Variants in SCN8A observed in about 807,000 individuals in gnomAD.
The protein encoded by SCN8A is sodium channel protein type 8 subunit alpha.
In SCN8A, 30 loss-of-function variants were observed where a neutral mutation model predicts 184.1. The ratio of observed to expected loss-of-function variants is 0.16; its 90% confidence interval spans 0.12 to 0.22. The LOEUF (loss-of-function observed/expected upper bound fraction) is 0.22. Ranked by LOEUF, SCN8A falls within the 10% of genes least tolerant of loss-of-function variation. The probability of loss-of-function intolerance (pLI) is 1.00; values close to 1 mark genes in which losing one functional copy is unlikely to be tolerated. For missense variants in SCN8A, 1,057 were observed against 2,498.9 expected, an observed-to-expected ratio of 0.42 and a Z score of 12.30; for synonymous variants, 852 against 907.0, an observed-to-expected ratio of 0.94 and a Z score of 1.09.
intron 5 of SCN8A, chr12:51,688,642 C>T: frequency 1.4e-6 from 1 of 708,072 alleles, no homozygotes; most frequent in Non-Finnish European, 2.5e-6. Context: ...TGAAGCTTTT[C>T]TTTTTCAAGG....
chr12:51,687,053 G>A, intron 4 of SCN8A, 38 bp from the exon 5 acceptor site: 1 of 1,611,348 alleles, frequency 6.2e-7, no homozygotes, highest in Non-Finnish European at 8.5e-7. Flanking sequence ...TAAAGTTTCT[G>A]TCCAGAAATT....
intron 12 of SCN8A, among the ~76,000 whole-genome samples, chr12:51,740,490 A>G (rs951654185): frequency 6.6e-6 from 1 of 152,168 alleles, no homozygotes; most frequent in Non-Finnish European, 1.5e-5. Flanking sequence ...GTTTTATTCA[A>G]AGATGCTTGA....
rs185631870 is a variant in SCN8A, at chr12:51,714,525, C to A, written c.1636-7021C>A. The stretch of plus-strand genomic sequence containing the variant: ...GAAGATGAGTGATAAAAGCACATAT[C>A]ATCTCAGTATTATTAGGAAAGAATT... On this transcript the variant is annotated intron_variant, in intron 11 of 26. Transcript: ENST00000627620. Among the ~76,000 whole-genome samples, 71 of 152,290 alleles carry A rather than the reference C, an allele frequency of 4.7e-4. 1 individual carries two copies. Among genetic ancestry groups the A allele is most frequent in the South Asian group, 1.2e-3 (6 of 4,814 alleles).
chr12:51,789,193 A>G, intron 23 of SCN8A, 88 bp from the exon 24 acceptor site: 1 of 1,436,176 alleles, frequency 7.0e-7, no homozygotes, highest in South Asian at 1.2e-5. Flanking sequence ...TTAGCAGCTC[A>G]AATGGTCACA....
chr12:51,601,748 G>A (rs989740438), intron 1 of SCN8A, among the ~76,000 whole-genome samples: 1 of 151,886 alleles, frequency 6.6e-6, no homozygotes, highest in South Asian at 2.1e-4. Flanking sequence ...CTGCCTTGCT[G>A]GTTCCAGTGG....
At chr12:51,757,615 G>A (rs1403716607) in intron 14 of SCN8A, among the ~76,000 whole-genome samples, 1 of 152,088 alleles carries the variant, frequency 6.6e-6, no homozygotes, top group Non-Finnish European at 1.5e-5. Context: ...AAGTTATCAG[G>A]CATATGACCA....
intron 1 of SCN8A, among the ~76,000 whole-genome samples, chr12:51,658,702 C>T (rs1236637414): frequency 1.3e-5 from 2 of 152,116 alleles, no homozygotes; most frequent in Admixed American, 6.5e-5. Context: ...AGAGAAACTG[C>T]TTATGTTTTA....
intron 25 of SCN8A, among the ~76,000 whole-genome samples, chr12:51,792,855 G>A (rs1938303755): frequency 6.6e-6 from 1 of 152,158 alleles, no homozygotes. Flanking sequence ...CAATTCTCGT[G>A]CCTCAGCCTC....
chr12:51,680,904 T>C (rs1025098658), intron 2 of SCN8A, among the ~76,000 whole-genome samples: 12 of 151,912 alleles, frequency 7.9e-5, no homozygotes, highest in African/African-American at 2.9e-4. Context: ...CTGGGGAGGC[T>C]GAAGCAGGAA....
In SCN8A at chr12:51,719,859, G is replaced by A. The variant is rs1447635424; in HGVS notation, c.1636-1687G>A. Among the ~76,000 whole-genome samples, 811 of 136,600 alleles carry A rather than the reference G, an allele frequency of 5.9e-3. 5 individuals are homozygous for A. Among genetic ancestry groups the A allele is most frequent in the African/African-American group, 0.021 (776 of 37,224 alleles). 89.6% of individuals were successfully genotyped at this position (136,600 alleles called of 152,430 possible). A position where few individuals can be genotyped will look rare whatever the true frequency, so the allele number is the denominator to read the frequency against. On this transcript the variant is annotated intron_variant, in intron 11 of 26. Transcript: ENST00000627620. Reference sequence around the variant, plus strand: ...TGGGAGGCCGAGGCGGGCGGATCACGAGGTCAGGAGATCGAGACCATCCTG... The same window carrying A: ...TGGGAGGCCGAGGCGGGCGGATCACAAGGTCAGGAGATCGAGACCATCCTG...
intron 1 of SCN8A, among the ~76,000 whole-genome samples, chr12:51,624,673 A>G (rs1414386488): frequency 6.6e-6 from 1 of 152,172 alleles, no homozygotes; most frequent in African/African-American, 2.4e-5. Context: ...TGTTTTAGAC[A>G]TGAAGTCCTT....
rs1938859499 is a variant in SCN8A, at chr12:51,810,571, C to G, written c.*3142C>G. 1 of 161,692 alleles carries G rather than the reference C, an allele frequency of 6.2e-6. No homozygotes were observed. Among genetic ancestry groups the G allele is most frequent in the Middle Eastern group, 1.9e-3 (1 of 534 alleles). The allele number at this position is 161,692 out of a possible 1,614,324, so 10.0% of individuals were successfully genotyped here. On this transcript the variant is annotated 3_prime_UTR_variant, in exon 27 of 27. Transcript: ENST00000627620. The stretch of plus-strand genomic sequence containing the variant: ...AATATAAATATTTATTTTTTGTAGC[C>G]AGGTCCTTGGTGCAGTATTTATACT...
intron 11 of SCN8A, among the ~76,000 whole-genome samples, chr12:51,708,922 T>G (rs1372146590): frequency 6.6e-6 from 1 of 152,162 alleles, no homozygotes; most frequent in African/African-American, 2.4e-5. Context: ...ATCCCTACCC[T>G]AGAGAGCTTA....
intron 11 of SCN8A, among the ~76,000 whole-genome samples, chr12:51,710,285 C>G (rs1941852994): frequency 6.6e-6 from 1 of 152,074 alleles, no homozygotes; most frequent in Non-Finnish European, 1.5e-5. Flanking sequence ...GCACCCTATA[C>G]CTGAACCAGA....
intron 9 of SCN8A, among the ~76,000 whole-genome samples, chr12:51,704,015 C>T (rs1941737011): frequency 1.3e-5 from 2 of 152,056 alleles, no homozygotes; most frequent in South Asian, 2.1e-4. Context: ...GCCTCAGCCT[C>T]CCGAGTAGCT....
In SCN8A at chr12:51,660,295, A is replaced by C. The variant is rs1940902108; in HGVS notation, c.-54-2469A>C. On this transcript the variant is annotated intron_variant, in intron 1 of 26. Transcript: ENST00000627620. ...ACAGGAAGAAACAGGATCTGAAAGC[A>C]AAGACAGAGAACTTAGCCCTGGGCT... Among the ~76,000 whole-genome samples the C allele has an allele frequency of 2.0e-5, 3 of 152,230 alleles. 1 individual carries two copies. The highest frequency in any genetic ancestry group is 2.0e-4 in the Admixed American group (3 of 15,288).
In SCN8A at chr12:51,809,052, A is replaced by T. The variant is rs1938806636; in HGVS notation, c.*1623A>T. 6.6e-6 allele frequency: 1 copy of T among 152,134 alleles called. No individual in the cohort carries two copies. Among genetic ancestry groups the T allele is most frequent in the South Asian group, 2.1e-4 (1 of 4,822 alleles). 9.4% of individuals were successfully genotyped at this position (152,134 alleles called of 1,614,324 possible). A position where few individuals can be genotyped will look rare whatever the true frequency, so the allele number is the denominator to read the frequency against. On this transcript the variant is annotated 3_prime_UTR_variant, in exon 27 of 27. Transcript: ENST00000627620. ...AGCAATTTAATATTAATTCTTTAGG[A>T]TGTTCCAGCTTCCCTCAGTGCATTC...
intron 26 of SCN8A, among the ~76,000 whole-genome samples, chr12:51,798,198 G>A (rs1320319476): frequency 2.0e-5 from 3 of 152,184 alleles, no homozygotes; most frequent in Non-Finnish European, 4.4e-5. Context: ...AAGATGATGA[G>A]GAACATGGTA....
intron 1 of SCN8A, among the ~76,000 whole-genome samples, chr12:51,630,740 A>G (rs1192131145): frequency 6.6e-6 from 1 of 151,836 alleles, no homozygotes; most frequent in Non-Finnish European, 1.5e-5. Flanking sequence ...TGCTTCTTTT[A>G]TATCTCCCTC....
Sources: gnomAD v4.1 joint callset for allele counts (sites outside exome capture counted in the v4.1 genomes callset) on GRCh38, gnomAD v4.1.1 for gene constraint, MANE v1.5 for transcripts, NCBI Gene and HGNC (gene_info 2026-07-23, HGNC 2026-07-21) for gene names.